EYS: variants seen among roughly 807,000 people sequenced by gnomAD.
The protein encoded by EYS is EGF-like photoreceptor maintenance factor.
A neutral mutation model predicts 282.1 loss-of-function variants in EYS; 250 were observed. That is an observed-to-expected ratio of 0.89 (90% CI 0.80 to 0.98). The LOEUF (loss-of-function observed/expected upper bound fraction) is 0.98. Ranked by LOEUF, EYS falls within the 50% of genes least tolerant of loss-of-function variation. The pLI is 0.00. For synonymous variants in EYS, 1,355 were observed against 1,282.9 expected, an observed-to-expected ratio of 1.06 and a Z score of -1.20; for missense variants, 4,016 against 3,709.0, an observed-to-expected ratio of 1.08 and a Z score of -2.15.
rs1430102380 is a variant in EYS at position 64,865,690 on chromosome 6, A to AT, written c.2992+21006dup. Among the ~76,000 whole-genome samples, 10 of 152,008 alleles carry AT rather than the reference A, an allele frequency of 6.6e-5. No individual in the cohort carries two copies. In the East Asian group the frequency reaches 1.9e-3, roughly 29 times the overall value. ...TAAATGTATATTTAAAATTATGTTC[A>AT]TTTTTTTCTGCTATCTGGAAAAGGG... On this transcript the variant is annotated intron_variant, in intron 19 of 42. Transcript: ENST00000503581.
At chr6:65,039,219 T>G (rs2150148207) in intron 13 of EYS, among the ~76,000 whole-genome samples, 1 of 151,720 alleles carries the variant, frequency 6.6e-6, no homozygotes, top group African/African-American at 2.4e-5. Flanking sequence ...ATGTCATTTT[T>G]TCCGTATGAA....
At chr6:65,436,251 A>T (rs962073527) in intron 5 of EYS, among the ~76,000 whole-genome samples, 2 of 152,206 alleles carry the variant, frequency 1.3e-5, no homozygotes, top group Admixed American at 1.3e-4. Flanking sequence ...TAAATGCCAG[A>T]GCATTTGGAA....
At chr6:65,086,415 G>C in intron 12 of EYS, among the ~76,000 whole-genome samples, 1 of 152,036 alleles carries the variant, frequency 6.6e-6, no homozygotes, top group South Asian at 2.1e-4. Context: ...GCATATGTTT[G>C]GTCAAAATTT....
chr6:64,029,574 G>A (rs1278881751), intron 33 of EYS, among the ~76,000 whole-genome samples: 3 of 152,200 alleles, frequency 2.0e-5, no homozygotes, highest in Admixed American at 6.5e-5. Flanking sequence ...GGAACCAATC[G>A]AGCATGACTG....
At chr6:65,211,590 T>C (rs1485061327) in intron 12 of EYS, among the ~76,000 whole-genome samples, 1 of 152,042 alleles carries the variant, frequency 6.6e-6, no homozygotes, top group East Asian at 1.9e-4. Context: ...AACTCTGATT[T>C]TCAACCAAAT....
intron 31 of EYS, among the ~76,000 whole-genome samples, chr6:64,172,690 G>T (rs2150307729): frequency 6.6e-6 from 1 of 152,244 alleles, no homozygotes; most frequent in Admixed American, 6.5e-5. Context: ...CTGGCCCAGG[G>T]GTGGGAACCC....
chr6:65,433,422 A>T (rs557606053), intron 5 of EYS, among the ~76,000 whole-genome samples: 1 of 152,324 alleles, frequency 6.6e-6, no homozygotes, highest in South Asian at 2.1e-4. Flanking sequence ...ATGATTTAAA[A>T]AAAACAGAAT....
chr6:65,685,770 A>G (rs1288921277), intron 1 of EYS, among the ~76,000 whole-genome samples: 6 of 152,084 alleles, frequency 3.9e-5, no homozygotes, highest in African/African-American at 1.4e-4. Context: ...TTTGTAATCT[A>G]TATCTTTTAT....
At chr6:65,585,400 C>G (rs1765011517) in intron 2 of EYS, among the ~76,000 whole-genome samples, 1 of 151,776 alleles carries the variant, frequency 6.6e-6, no homozygotes, top group South Asian at 2.1e-4. Context: ...TTAAGACTTG[C>G]TTCAATAATC....
chr6:64,213,147 A>C (rs1238479961), intron 31 of EYS, among the ~76,000 whole-genome samples: 3 of 152,158 alleles, frequency 2.0e-5, no homozygotes, highest in African/African-American at 7.2e-5. Context: ...TATTAGCCTT[A>C]ATACCTGTAC....
chr6:65,231,383 C>T (rs1331283226), intron 12 of EYS, among the ~76,000 whole-genome samples: 1 of 151,060 alleles, frequency 6.6e-6, no homozygotes, highest in Non-Finnish European at 1.5e-5. Flanking sequence ...TTCATTAAAA[C>T]AGTTAAATTC....
chr6:64,366,072 T>C (rs1772170797), intron 29 of EYS, among the ~76,000 whole-genome samples: 1 of 152,094 alleles, frequency 6.6e-6, no homozygotes, highest in African/African-American at 2.4e-5. Flanking sequence ...GTAGATCACA[T>C]AACTAAGTCT....
intron 14 of EYS, among the ~76,000 whole-genome samples, chr6:64,954,544 G>C (rs1030453861): frequency 2.0e-5 from 3 of 152,050 alleles, no homozygotes; most frequent in Admixed American, 2.0e-4. Context: ...ATGTAATTCT[G>C]CAACATATAG....
intron 8 of EYS, among the ~76,000 whole-genome samples, chr6:65,357,064 C>T (rs527530676): frequency 6.6e-6 from 1 of 151,890 alleles, no homozygotes; most frequent in Non-Finnish European, 1.5e-5. Flanking sequence ...GATGCATCAC[C>T]GCTGTATTAC....
chr6:64,670,778 C>T (rs1323591822), intron 22 of EYS, among the ~76,000 whole-genome samples: 1 of 152,062 alleles, frequency 6.6e-6, no homozygotes, highest in Non-Finnish European at 1.5e-5. Context: ...ACTTTTGTTC[C>T]CAGGCTCTAC....
intron 15 of EYS, among the ~76,000 whole-genome samples, chr6:64,913,971 C>T (rs1420022625): frequency 6.6e-6 from 1 of 152,130 alleles, no homozygotes; most frequent in Non-Finnish European, 1.5e-5. Context: ...TCTAGTCCTC[C>T]ATCCAGTATC....
At chr6:64,475,446 G>GA in intron 26 of EYS, among the ~76,000 whole-genome samples, 1 of 116,864 alleles carries the variant, frequency 8.6e-6, no homozygotes, top group Non-Finnish European at 1.9e-5. Context: ...AGCTACTTGG[G>GA]AGGCTGAGGC....
intron 26 of EYS, among the ~76,000 whole-genome samples, chr6:64,566,711 C>T (rs1765576550): frequency 6.6e-6 from 1 of 151,950 alleles, no homozygotes; most frequent in Non-Finnish European, 1.5e-5. Context: ...TAAAAGAAAA[C>T]ATGTAGGGAA....
chr6:64,592,880 C>T (rs776757614), intron 25 of EYS, among the ~76,000 whole-genome samples: 1 of 152,042 alleles, frequency 6.6e-6, no homozygotes, highest in Non-Finnish European at 1.5e-5. Context: ...CGAATTTACA[C>T]AGTGGAATAA....
Sources: allele counts gnomAD v4.1 joint callset (sites outside exome capture counted in the v4.1 genomes callset), GRCh38; gene constraint gnomAD v4.1.1; transcripts MANE v1.5; gene names NCBI Gene and HGNC (gene_info 2026-07-23, HGNC 2026-07-21).